TRPC7: variants seen among roughly 807,000 people sequenced by gnomAD.
TRPC7 encodes transient receptor potential cation channel subfamily C member 7, also known as short transient receptor potential channel 7.
TRPC7 carries 42 observed loss-of-function variants against 90.1 expected under a neutral mutation model. The ratio of observed to expected loss-of-function variants is 0.47; its 90% CI spans 0.36 to 0.60. TRPC7 has a LOEUF of 0.60. TRPC7 is among the 20% of genes least tolerant of loss of function. TRPC7 has a pLI of 0.00. For synonymous variants in TRPC7, 451 were observed against 436.3 expected (o/e 1.03, Z -0.42); for missense variants, 955 against 1,112.3 (o/e 0.86, Z 2.01).
intron 5 of TRPC7, among the ~76,000 whole-genome samples, chr5:136,258,621 G>A (rs1004205488): frequency 2.0e-5 from 3 of 152,220 alleles, no homozygotes; most frequent in African/African-American, 4.8e-5. Context: ...AAGCCTCAAG[G>A]GAAATGAGTA....
intron 2 of TRPC7, among the ~76,000 whole-genome samples, chr5:136,341,580 G>C (rs1238861173): frequency 3.3e-5 from 5 of 152,044 alleles, no homozygotes; most frequent in African/African-American, 1.2e-4. Flanking sequence ...GCAAAGAGAG[G>C]GTTAAGGAAG....
At chr5:136,236,394 C>T (rs1011821832) in intron 7 of TRPC7, among the ~76,000 whole-genome samples, 9 of 152,210 alleles carry the variant, frequency 5.9e-5, no homozygotes, top group Non-Finnish European at 4.4e-5. Context: ...CAAAGATCAT[C>T]ACAGACCCTT....
At chr5:136,232,300 T>A (rs1755845215) in intron 7 of TRPC7, among the ~76,000 whole-genome samples, 1 of 152,180 alleles carries the variant, frequency 6.6e-6, no homozygotes, top group Non-Finnish European at 1.5e-5. Context: ...AAGTGGGCAG[T>A]GTCCACACAG....
In TRPC7 at chr5:136,315,768, C is replaced by T. The variant is rs1470940726; in HGVS notation, c.792G>A (p.Arg264=). Residue 264 remains arginine (R), a synonymous_variant, in exon 3 of 12, where the codon AGG becomes AGA. Coordinates refer to ENST00000513104, the MANE Select transcript of TRPC7 (RefSeq NM_020389.3). The part of the protein sequence containing the change: ...NIETEFKNDY[R]KLSMQCKDFV... ...AATCCTTGCATTGCATAGATAACTT[C>T]CTGTAATCGTTCTAACAGAATAGAG... is the stretch of plus-strand genomic sequence containing the variant. 2.5e-6 allele frequency: 4 copies of T among 1,613,664 alleles called. No homozygotes were observed. The highest frequency in any genetic ancestry group is 1.3e-5 in the African/African-American group (1 of 75,046).
At chr5:136,255,970 A>G (rs191563648) in intron 5 of TRPC7, among the ~76,000 whole-genome samples, 8 of 152,312 alleles carry the variant, frequency 5.3e-5, no homozygotes, top group Admixed American at 6.5e-5. Flanking sequence ...TGAACATTTT[A>G]TGTCATCAAA....
chr5:136,322,019 A>ATT (rs533347173), intron 2 of TRPC7, among the ~76,000 whole-genome samples: 1 of 146,830 alleles, frequency 6.8e-6, no homozygotes. Flanking sequence ...CCTGTACAAG[A>ATT]TTTTTTTTTT....
chr5:136,251,428 A>G (rs111684336), intron 6 of TRPC7, among the ~76,000 whole-genome samples: 21 of 152,354 alleles, frequency 1.4e-4, no homozygotes, highest in African/African-American at 5.1e-4. Context: ...AAAGTCACTA[A>G]TTCCACGTTC....
intron 3 of TRPC7, among the ~76,000 whole-genome samples, chr5:136,302,772 T>A (rs1758444754): frequency 6.6e-6 from 1 of 152,172 alleles, no homozygotes; most frequent in African/African-American, 2.4e-5. Flanking sequence ...ATTCTTTTCG[T>A]AAAATGGGCA....
intron 2 of TRPC7, among the ~76,000 whole-genome samples, chr5:136,353,445 G>A (rs776818789): frequency 2.6e-5 from 4 of 152,152 alleles, no homozygotes; most frequent in African/African-American, 9.7e-5. Flanking sequence ...ATGGCATCAG[G>A]TCATCTCCAT....
chr5:136,335,903 C>CAA (rs869287763), intron 2 of TRPC7, among the ~76,000 whole-genome samples: 15 of 38,700 alleles, frequency 3.9e-4, no homozygotes, highest in African/African-American at 6.7e-4. Flanking sequence ...GACTCCGTCT[C>CAA]AAAAAAAAAA....
chr5:136,289,767 C>A (rs1238484039), intron 3 of TRPC7, among the ~76,000 whole-genome samples: 1 of 152,206 alleles, frequency 6.6e-6, no homozygotes, highest in Non-Finnish European at 1.5e-5. Flanking sequence ...ACTTAAATGT[C>A]CCTGTCTGAC....
intron 2 of TRPC7, among the ~76,000 whole-genome samples, chr5:136,323,710 C>T (rs1233515683): frequency 1.3e-5 from 2 of 152,164 alleles, no homozygotes; most frequent in Admixed American, 6.5e-5. Context: ...TTCACTAATT[C>T]CCACTGTCTT....
chr5:136,314,387 C>T (rs1400450491), intron 3 of TRPC7: 1 of 152,178 alleles, frequency 6.6e-6, no homozygotes, highest in Non-Finnish European at 1.5e-5. Context: ...GTGAGTTTTC[C>T]TGAGCTGAGT....
intron 2 of TRPC7, 75 bp from the exon 3 acceptor site, chr5:136,315,854 G>T: frequency 7.2e-7 from 1 of 1,391,086 alleles, no homozygotes; most frequent in Non-Finnish European, 1.0e-6. Context: ...TAGCAGTGTC[G>T]ATCAGCAACT....
At chr5:136,227,232 A>C (rs1326923561) in intron 8 of TRPC7, among the ~76,000 whole-genome samples, 1 of 152,096 alleles carries the variant, frequency 6.6e-6, no homozygotes, top group African/African-American at 2.4e-5. Context: ...AGGTTCCTTG[A>C]ACCTCTGTCC....
chr5:136,225,222 T>C (rs1580836846), intron 10 of TRPC7, 52 bp downstream of exon 10: 1 of 1,515,186 alleles, frequency 6.6e-7, no homozygotes, highest in African/African-American at 1.4e-5. Context: ...ATCTGTGTCT[T>C]AGTGGAGTCT....
At chr5:136,272,333 G>A (rs1757235851) in intron 4 of TRPC7, among the ~76,000 whole-genome samples, 1 of 152,232 alleles carries the variant, frequency 6.6e-6, no homozygotes, top group African/African-American at 2.4e-5. Flanking sequence ...GGAACCCTTA[G>A]AGGGGCTGGT....
At chr5:136,257,508 AT>A (rs1241739716) in intron 5 of TRPC7, among the ~76,000 whole-genome samples, 1 of 152,154 alleles carries the variant, frequency 6.6e-6, no homozygotes, top group Non-Finnish European at 1.5e-5. Flanking sequence ...GAGAAAAGTA[AT>A]TTGAGAGCAG....
At position 136,356,843 on chromosome 5, in the gene TRPC7, A is replaced by T; in HGVS notation, c.545T>A (p.Ile182Asn). The T allele has an allele frequency of 6.2e-7, 1 of 1,613,834 alleles. No homozygotes were observed. Among genetic ancestry groups the T allele is most frequent in the Non-Finnish European group, 8.5e-7 (1 of 1,179,902 alleles). The part of the protein sequence containing the change: ...AHCQEYEIVH[I>N]LLLKGARIER... ...GATGCGGGCGCCCTTGAGCAGCAGGATGTGCACGATCTCATACTCCTGGCA... is the reference window on the plus strand; with the variant it reads ...GATGCGGGCGCCCTTGAGCAGCAGGTTGTGCACGATCTCATACTCCTGGCA... Residue 182 changes from isoleucine to asparagine, a missense_variant, in exon 2 of 12, where the codon ATC (isoleucine) becomes AAC (asparagine). This residue lies in a region of TRPC7 where 484 missense variants were observed against 509.6 expected (regional missense o/e 0.95). Transcript: ENST00000513104.
Sources: gnomAD v4.1 joint callset for allele counts (sites outside exome capture counted in the v4.1 genomes callset) on GRCh38, gnomAD v4.1.1 for gene constraint, gnomAD v4.1.1 regional missense constraint, MANE v1.5 for transcripts, NCBI Gene and HGNC (gene_info 2026-07-23, HGNC 2026-07-21) for gene names.